The following ATP8B3 variants were observed in gnomAD, a reference collection of about 807,000 sequenced individuals.
ATP8B3 encodes phospholipid-transporting ATPase IK.
Under a neutral mutation model 140.9 loss-of-function variants are expected in ATP8B3, and 141 were observed. That is an observed-to-expected ratio of 1.00 (90% CI 0.87 to 1.15). The LOEUF is 1.15. ATP8B3 is among the 50% of genes most tolerant of loss of function. ATP8B3 has a pLI of 0.00. For missense variants in ATP8B3, 1,874 were observed against 1,740.6 expected, an observed-to-expected ratio of 1.08 and a Z score of -1.36; for synonymous variants, 765 against 714.6, an observed-to-expected ratio of 1.07 and a Z score of -1.13.
In ATP8B3 at chr19:1,785,147, A is replaced by G. The variant is rs1448331951; in HGVS notation, c.3532+12T>C. 3.2e-6 allele frequency: 5 copies of G among 1,550,286 alleles called. No homozygotes were observed. The Admixed American group carries it at 6.1e-5, about 19-fold the overall frequency. The stretch of plus-strand genomic sequence containing the variant: ...CCACGACCGCCCGTCCCACTTCCCC[A>G]TGGGGGCTCACACAGAAACGGGAAG... On this transcript the variant is annotated intron_variant, in intron 27 of 28. Transcript: ENST00000310127.
At chr19:1,796,667 C>G (rs757014279) in intron 16 of ATP8B3, 44 bp downstream of exon 16, 1 of 1,587,574 alleles carries the variant, frequency 6.3e-7, no homozygotes, top group Non-Finnish European at 8.5e-7. Context: ...TGCCGTGCCC[C>G]GGGGGCTGAG....
chr19:1,791,951 T>G, intron 19 of ATP8B3, 50 bp downstream of exon 19: 1 of 1,564,198 alleles, frequency 6.4e-7, no homozygotes, highest in Non-Finnish European at 8.7e-7. Flanking sequence ...CCCCCTTGGG[T>G]GCCCCCGCTG....
At chr19:1,801,745 C>T (rs985545266) in intron 12 of ATP8B3, among the ~76,000 whole-genome samples, 5 of 151,972 alleles carry the variant, frequency 3.3e-5, no homozygotes, top group Admixed American at 2.0e-4. Context: ...AGTGAGACTC[C>T]ATCTCTAAAA....
At position 1,808,477 on chromosome 19, in the gene ATP8B3, C is replaced by T. The variant is rs1027665692; in HGVS notation, c.403-142G>A. On this transcript the variant is annotated intron_variant, in intron 4 of 28. Coordinates refer to ENST00000310127, the MANE Select transcript of ATP8B3 (RefSeq NM_138813.4). ...ACACACACCATTCATTAAGCATCTA[C>T]TGAGCCAGCAGTTACTGAGCACCTG... 7 of 622,324 alleles carry T rather than the reference C, an allele frequency of 1.1e-5. No homozygotes were observed. In the Admixed American group the frequency reaches 1.4e-4, roughly 12 times the overall value. 38.6% of individuals were successfully genotyped at this position (622,324 alleles called of 1,614,324 possible).
Position 1,785,189 on chromosome 19 carries a change from T to C in ATP8B3, c.3502A>G (p.Arg1168Gly). 1 of 1,598,316 alleles carries C rather than the reference T, an allele frequency of 6.3e-7. No homozygotes were observed. Among genetic ancestry groups the C allele is most frequent in the Non-Finnish European group, 8.5e-7 (1 of 1,172,902 alleles). The change falls in exon 27 of 29, where the codon AGA becomes GGA. Residue 1168 changes from arginine (R) to glycine (G), a missense_variant. By Grantham distance (125) the Arg-to-Gly change is moderately radical. This residue lies in a region of ATP8B3 where 840 missense variants were observed against 760.9 expected (regional missense o/e 1.10). Transcript: ENST00000310127. Reference protein sequence around the residue: ...TTTTQSFWLFRVSPTTFPFLY... With the variant: ...TTTTQSFWLFGVSPTTFPFLY... ...AACGGGAAGGTCGTGGGGGATACTC[T>C]GAAGAGCCAGAAGCTCTGGGTGGTG...
intron 10 of ATP8B3, among the ~76,000 whole-genome samples, chr19:1,804,896 C>T (rs1427895889): frequency 6.6e-6 from 1 of 152,258 alleles, no homozygotes; most frequent in African/African-American, 2.4e-5. Context: ...ATTGCCAGCC[C>T]ATGCACGCAG....
chr19:1,786,909 C>T lies in ATP8B3; in HGVS notation c.3153+194G>A, dbSNP rs1488750995. 7.2e-5 allele frequency among the ~76,000 whole-genome samples: 11 copies of T among 152,294 alleles called. No individual in the cohort carries two copies. The South Asian group carries it at 1.9e-3, about 26-fold the overall frequency. On this transcript the variant is annotated intron_variant, in intron 25 of 28. Transcript: ENST00000310127. The stretch of plus-strand genomic sequence containing the variant: ...CCACACACAGGAGGAGCTGGATGGC[C>T]CCGGGATGAGCGTAGGCTCCGGTGG...
chr19:1,787,323 G>A (rs2068336709), intron 24 of ATP8B3, 137 bp from the exon 25 acceptor site: 1 of 625,778 alleles, frequency 1.6e-6, no homozygotes, highest in Non-Finnish European at 2.8e-6. Context: ...TGGGACTGGG[G>A]TGGGGTGAAG....
chr19:1,799,537 A>C, intron 14 of ATP8B3: 1 of 368,460 alleles, frequency 2.7e-6, no homozygotes, highest in Non-Finnish European at 4.8e-6. Flanking sequence ...AGGCCGAGGC[A>C]GGTGGATCGC....
In ATP8B3 at chr19:1,811,581, A is replaced by T. The variant is rs770406515; in HGVS notation, c.156T>A (p.Ala52=). The T allele has an allele frequency of 6.2e-7, 1 of 1,612,122 alleles. No homozygotes were observed. The highest frequency in any genetic ancestry group is 8.5e-7 in the Non-Finnish European group (1 of 1,179,768). The change falls in exon 2 of 29, where the codon GCT becomes GCA. Residue 52 remains alanine (A), a synonymous_variant. Transcript: ENST00000310127. ...CTCTGCCTGGGGAGTCTCCCATCCC[A>T]GCTCTGATCACCGTCTCACCTCCGC... is the stretch of plus-strand genomic sequence containing the variant. ...GIRGGETVIR[A]GMGDSPGRGA... is the part of the protein sequence containing the mutation.
Position 1,800,648 on chromosome 19 carries a change from C to T in ATP8B3, c.1153-199G>A, listed in dbSNP as rs1286484328. Among the ~76,000 whole-genome samples the T allele has an allele frequency of 6.6e-6, 1 of 151,996 alleles. No individual in the cohort carries two copies. The highest frequency in any genetic ancestry group is 1.5e-5 in the Non-Finnish European group (1 of 68,002). On this transcript the variant is annotated intron_variant, in intron 12 of 28. Coordinates refer to ENST00000310127, the MANE Select transcript of ATP8B3 (RefSeq NM_138813.4). This position sits in a 1 kb window ranked among gnomAD's most constrained non-coding sequence, Gnocchi z 4.4. ...CAGCCTGGGCGACAAAGTGAGACCT[C>T]ATCTCGACGAAAAACTTAAAAAATA...
rs781652086 is a variant in ATP8B3, at chr19:1,806,777, C to T, written c.616-88G>A. On this transcript the variant is annotated intron_variant, in intron 6 of 28. Coordinates refer to ENST00000310127, the MANE Select transcript of ATP8B3 (RefSeq NM_138813.4). The surrounding 1 kb of genome is among the most constrained non-coding windows in gnomAD (Gnocchi z 5.6). ...TGCCGCACTGCAGCCCAGCAGTGCC[C>T]GCCCGCAACACGGGGTCCCTGTCCG... 292 of 1,395,034 alleles carry T rather than the reference C, an allele frequency of 2.1e-4. No individual in the cohort carries two copies. Among genetic ancestry groups the T allele is most frequent in the Admixed American group, 2.8e-4 (14 of 50,190 alleles). 86.4% of individuals were successfully genotyped at this position (1,395,034 alleles called of 1,614,324 possible).
At position 1,811,649 on chromosome 19, in the gene ATP8B3, C is replaced by A. The variant is rs753114670; in HGVS notation, c.88G>T (p.Asp30Tyr). Residue 30 changes from aspartate (D) to tyrosine (Y), a missense_variant, in exon 2 of 29, where the codon GAC becomes TAC. Around this residue, in one of 3 missense-constraint regions of ATP8B3, gnomAD observed 1,032 missense variants for 963.6 expected, o/e 1.07. Coordinates refer to ENST00000310127, the MANE Select transcript of ATP8B3 (RefSeq NM_138813.4). ...GAGCCTTCCTGAGTCACGTCTGAGT[C>A]ACCCGTGTCCCCAGGTCCTGGTGGG... Reference protein sequence around the residue: ...PAPPGPGDTGDSDVTQEGSGP... With the variant: ...PAPPGPGDTGYSDVTQEGSGP... The A allele has an allele frequency of 1.3e-5, 21 of 1,611,160 alleles. No homozygotes were observed. The highest frequency in any genetic ancestry group is 1.7e-5 in the Non-Finnish European group (20 of 1,179,812).
chr19:1,807,350 C>T lies in ATP8B3; in HGVS notation c.517-84G>A. Reference sequence around the variant, plus strand: ...TCCACCAAGCCGACCTAGCCCCGCACTCGACACCACGTGACACATCTGCTG... The same window carrying T: ...TCCACCAAGCCGACCTAGCCCCGCATTCGACACCACGTGACACATCTGCTG... On this transcript the variant is annotated intron_variant, in intron 5 of 28. Transcript: ENST00000310127. This position sits in a 1 kb window ranked among gnomAD's most constrained non-coding sequence, Gnocchi z 5.9. 1 of 1,099,924 alleles carries T rather than the reference C, an allele frequency of 9.1e-7. No individual in the cohort carries two copies. Among genetic ancestry groups the T allele is most frequent in the Non-Finnish European group, 1.4e-6 (1 of 735,394 alleles). 68.1% of individuals were successfully genotyped at this position (1,099,924 alleles called of 1,614,324 possible).
In ATP8B3 at chr19:1,787,386, T is replaced by G. The variant is rs138025561; in HGVS notation, c.3070-200A>C. Among the ~76,000 whole-genome samples the G allele has an allele frequency of 4.3e-3, 658 of 152,160 alleles. 4 individuals are homozygous for G. Among genetic ancestry groups the G allele is most frequent in the African/African-American group, 0.015 (637 of 41,514 alleles). ...AGGGAGGGAGGAAAGCATGATCAAA[T>G]TCCCTCATAATGGCACCTCTGAGTT... On this transcript the variant is annotated intron_variant, in intron 24 of 28. Transcript: ENST00000310127.
chr19:1,784,522 AAAAT>A (rs1040989823), intron 28 of ATP8B3, among the ~76,000 whole-genome samples: 1 of 152,142 alleles, frequency 6.6e-6, no homozygotes, highest in Admixed American at 6.5e-5. Context: ...TCAAAAAGTA[AAAAT>A]AAATAAATAA....
chr19:1,810,510 C>T lies in ATP8B3; in HGVS notation c.310+112G>A, dbSNP rs368668043. 7.4e-5 allele frequency: 79 copies of T among 1,071,318 alleles called. No homozygotes were observed. The Admixed American group carries it at 7.5e-4, about 10-fold the overall frequency. The allele number at this position is 1,071,318 out of a possible 1,614,324, so 66.4% of individuals were successfully genotyped here. A position where few individuals can be genotyped will look rare whatever the true frequency, so the allele number is the denominator to read the frequency against. ...AACCCCTGACCTCAAGTGATCCACC[C>T]GCCTCAGCCTCCCAAAGTGCCGGGA... On this transcript the variant is annotated intron_variant, in intron 3 of 28. Coordinates refer to ENST00000310127, the MANE Select transcript of ATP8B3 (RefSeq NM_138813.4).
chr19:1,805,201 C>T lies in ATP8B3; in HGVS notation c.904+173G>A, dbSNP rs761765382. Reference sequence around the variant, plus strand: ...TGTTGTCCAGGCTGGTCTTGAATTCCTGGGCTGAAGTGATTCTCCTGCCTC... The same window carrying T: ...TGTTGTCCAGGCTGGTCTTGAATTCTTGGGCTGAAGTGATTCTCCTGCCTC... On this transcript the variant is annotated intron_variant, in intron 10 of 28. Coordinates refer to ENST00000310127, the MANE Select transcript of ATP8B3 (RefSeq NM_138813.4). The surrounding 1 kb of genome is among the most constrained non-coding windows in gnomAD (Gnocchi z 5.2). 1.6e-5 allele frequency: 11 copies of T among 689,432 alleles called. No homozygotes were observed. Among genetic ancestry groups the T allele is most frequent in the South Asian group, 1.1e-4 (7 of 65,912 alleles). The allele number at this position is 689,432 out of a possible 1,614,324, so 42.7% of individuals were successfully genotyped here. A position where few individuals can be genotyped will look rare whatever the true frequency, so the allele number is the denominator to read the frequency against.
At chr19:1,790,930 G>T in intron 20 of ATP8B3, 98 bp from the exon 21 acceptor site, 2 of 1,027,918 alleles carry the variant, frequency 1.9e-6, no homozygotes, top group Non-Finnish European at 2.8e-6. Flanking sequence ...CCCGACCAAT[G>T]GCAGCCACAT....
Sources: gnomAD v4.1 joint callset for allele counts (sites outside exome capture counted in the v4.1 genomes callset) on GRCh38, gnomAD v4.1.1 for gene constraint, gnomAD v4.1.1 regional missense constraint, Gnocchi (gnomAD v3.1) non-coding constraint, MANE v1.5 for transcripts, NCBI Gene and HGNC (gene_info 2026-07-23, HGNC 2026-07-21) for gene names.